The following ADK variants were observed in gnomAD, a reference collection of about 807,000 sequenced individuals.
ADK encodes N6,N6-dimethyladenosine kinase.
Under a neutral mutation model 44.7 loss-of-function variants are expected in ADK, and 24 were observed. The observed-to-expected ratio is 0.54, with a 90% CI of 0.39 to 0.76. The LOEUF (loss-of-function observed/expected upper bound fraction) is 0.76, where lower values mean the gene tolerates loss of function less well. ADK is among the 30% of genes least tolerant of loss of function. ADK has a pLI of 0.00. For missense variants in ADK, 321 were observed against 425.1 expected, an observed-to-expected ratio of 0.76 and a Z score of 2.15; for synonymous variants, 128 against 142.6, an observed-to-expected ratio of 0.90 and a Z score of 0.73.
chr10:74,545,573 G>C (rs1218212040), intron 7 of ADK, among the ~76,000 whole-genome samples: 1 of 152,148 alleles, frequency 6.6e-6, no homozygotes, highest in Admixed American at 6.5e-5. Flanking sequence ...TTATATTCCA[G>C]AGTTGACTGG....
intron 2 of ADK, among the ~76,000 whole-genome samples, chr10:74,216,414 G>A (rs1844021691): frequency 6.6e-6 from 1 of 151,832 alleles, no homozygotes; most frequent in South Asian, 2.1e-4. Flanking sequence ...CCTTCAAAAT[G>A]TTGGTACATT....
At chr10:74,253,766 C>CTTTTTTTTTTTTT (rs369449016) in intron 3 of ADK, among the ~76,000 whole-genome samples, 1 of 125,066 alleles carries the variant, frequency 8.0e-6, no homozygotes, top group Non-Finnish European at 1.6e-5. Context: ...TCTACACTGC[C>CTTTTTTTTTTTTT]TTTTTTTTTT....
intron 1 of ADK, among the ~76,000 whole-genome samples, chr10:74,157,657 T>TCA (rs1206793527): frequency 6.7e-6 from 1 of 148,634 alleles, no homozygotes; most frequent in Admixed American, 6.8e-5. Context: ...GGCGGGCAGA[T>TCA]CACCTGAGGT....
chr10:74,193,980 T>C (rs1242646808), intron 1 of ADK, among the ~76,000 whole-genome samples: 1 of 152,142 alleles, frequency 6.6e-6, no homozygotes, highest in African/African-American at 2.4e-5. Context: ...AAAGGACTTT[T>C]AGAACTGAGC....
rs1273334706 is a variant in ADK, at chr10:74,204,834, A to G, written c.140+3996A>G. On this transcript the variant is annotated intron_variant, in intron 2 of 10. Transcript: ENST00000539909. ...TGAGGCAGGTGAATCACTTGAGGTC[A>G]GGAGTTCAAGTCATGCCAACATGGC... Among the ~76,000 whole-genome samples, 9 of 152,198 alleles carry G rather than the reference A, an allele frequency of 5.9e-5. No individual in the cohort carries two copies. In the East Asian group the frequency reaches 1.7e-3, roughly 29 times the overall value.
intron 4 of ADK, among the ~76,000 whole-genome samples, chr10:74,382,210 C>G (rs1162683499): frequency 1.3e-5 from 2 of 152,182 alleles, no homozygotes; most frequent in African/African-American, 2.4e-5. Context: ...GCGATCCTCT[C>G]ACCTCAGCCT....
rs1564864328 is a variant in ADK at position 74,709,119 on chromosome 10, A to T, written c.*674A>T. The stretch of plus-strand genomic sequence containing the variant: ...ACAAACAAAAACTTGTCATATAGGA[A>T]TTTTTTTCTGTCTTTTCCCTGTGTA... On this transcript the variant is annotated 3_prime_UTR_variant, in exon 11 of 11. Transcript: ENST00000539909. 1 of 152,310 alleles carries T rather than the reference A, an allele frequency of 6.6e-6. No homozygotes were observed. 9.4% of individuals were successfully genotyped at this position (152,310 alleles called of 1,614,324 possible). A position where few individuals can be genotyped will look rare whatever the true frequency, so the allele number is the denominator to read the frequency against.
intron 10 of ADK, among the ~76,000 whole-genome samples, chr10:74,694,146 C>CTTTTTTTTT (rs1266786094): frequency 2.8e-5 from 1 of 36,308 alleles, no homozygotes; most frequent in South Asian, 7.8e-4. Flanking sequence ...TTTTCAAACA[C>CTTTTTTTTT]ATTTTTTTTT....
chr10:74,188,648 G>A (rs1465001697), intron 1 of ADK, among the ~76,000 whole-genome samples: 5 of 151,958 alleles, frequency 3.3e-5, no homozygotes, highest in East Asian at 1.9e-4. Flanking sequence ...CACTGCGCCC[G>A]GCCACCTTGC....
rs151065872 is a variant in ADK at position 74,437,095 on chromosome 10, A to C, written c.555+38516A>C. On this transcript the variant is annotated intron_variant, in intron 6 of 10. Transcript: ENST00000539909. ...TTAAATAAAATTAACAAAATAATCA[A>C]AGTGGTCATAACACTAAGCAAGTGA... Among the ~76,000 whole-genome samples, 442 of 152,282 alleles carry C rather than the reference A, an allele frequency of 2.9e-3. 6 individuals carry two copies. Among genetic ancestry groups the C allele is most frequent in the African/African-American group, 0.01 (423 of 41,576 alleles).
Position 74,681,611 on chromosome 10 carries a change from C to T in ADK, c.964+11342C>T, listed in dbSNP as rs145657472. On this transcript the variant is annotated intron_variant, in intron 10 of 10. Coordinates refer to ENST00000539909, the MANE Select transcript of ADK (RefSeq NM_006721.4). ...CTGTAATCTCAGCACTTTAAGAGGCCGAGGTGGACAAATCACTTGAGGTCA... is the reference window on the plus strand; with the variant it reads ...CTGTAATCTCAGCACTTTAAGAGGCTGAGGTGGACAAATCACTTGAGGTCA... Among the ~76,000 whole-genome samples the T allele has an allele frequency of 3.4e-4, 52 of 151,714 alleles. No individual in the cohort carries two copies. The East Asian group carries it at 3.5e-3, about 10-fold the overall frequency.
chr10:74,546,928 A>G (rs1849840705), intron 7 of ADK, among the ~76,000 whole-genome samples: 1 of 152,168 alleles, frequency 6.6e-6, no homozygotes, highest in South Asian at 2.1e-4. Context: ...ATACAAAAAC[A>G]TGCAAAAGAA....
chr10:74,468,986 A>T (rs563583464), intron 6 of ADK, among the ~76,000 whole-genome samples: 31 of 151,784 alleles, frequency 2.0e-4, no homozygotes, highest in East Asian at 7.7e-4. Flanking sequence ...TGTGTGTGTG[A>T]GAGAGAGAGA....
intron 1 of ADK, among the ~76,000 whole-genome samples, chr10:74,179,776 G>A (rs896422450): frequency 2.6e-5 from 4 of 152,094 alleles, no homozygotes; most frequent in Admixed American, 2.0e-4. Flanking sequence ...GCCCATACCC[G>A]TGCTCTGTCT....
chr10:74,584,715 G>C (rs1239847084), intron 7 of ADK, among the ~76,000 whole-genome samples: 1 of 152,078 alleles, frequency 6.6e-6, no homozygotes, highest in Non-Finnish European at 1.5e-5. Context: ...TGACACACAT[G>C]TACACAGATG....
chr10:74,555,125 C>T (rs757719018), intron 7 of ADK, among the ~76,000 whole-genome samples: 12 of 151,954 alleles, frequency 7.9e-5, no homozygotes, highest in South Asian at 2.1e-4. Context: ...AGGGAGACCC[C>T]GTCTCTACAA....
rs1845579064 is a variant in ADK, at chr10:74,249,847, C to T, written c.194+25256C>T. On this transcript the variant is annotated intron_variant, in intron 3 of 10. Coordinates refer to ENST00000539909, the MANE Select transcript of ADK (RefSeq NM_006721.4). ...TCAATTCATGTATTTATTCATTTAA[C>T]TAATATTTGTTAGTTTTATACTATG... 4.6e-5 allele frequency among the ~76,000 whole-genome samples: 7 copies of T among 152,248 alleles called. No homozygotes were observed. The South Asian group carries it at 1.5e-3, about 32-fold the overall frequency.
At chr10:74,623,229 T>C (rs981074651) in intron 9 of ADK, among the ~76,000 whole-genome samples, 2 of 152,096 alleles carry the variant, frequency 1.3e-5, no homozygotes, top group Non-Finnish European at 2.9e-5. Flanking sequence ...ATATATACTA[T>C]AATGCACAAG....
intron 6 of ADK, among the ~76,000 whole-genome samples, chr10:74,414,692 C>G (rs1183938400): frequency 6.6e-6 from 1 of 151,992 alleles, no homozygotes; most frequent in Non-Finnish European, 1.5e-5. Context: ...GCCTAGGTGA[C>G]AGAGTGAGAC....
Sources: allele counts gnomAD v4.1 joint callset (sites outside exome capture counted in the v4.1 genomes callset), GRCh38; gene constraint gnomAD v4.1.1; transcripts MANE v1.5; gene names NCBI Gene and HGNC (gene_info 2026-07-23, HGNC 2026-07-21).